LRIG1: variants seen among roughly 807,000 people sequenced by gnomAD.
The protein encoded by LRIG1 is leucine rich repeats and immunoglobulin like domains 1.
A neutral mutation model predicts 99.2 loss-of-function variants in LRIG1; 48 were observed. The observed-to-expected ratio is 0.48, with a 90% CI of 0.38 to 0.62. The LOEUF is 0.62. Ranked by LOEUF, LRIG1 falls within the 20% of genes least tolerant of loss-of-function variation. The probability of loss-of-function intolerance (pLI) is 0.00; values close to 1 mark genes in which losing one functional copy is unlikely to be tolerated. For synonymous variants in LRIG1, 772 were observed against 596.1 expected (o/e 1.29, Z -4.30); for missense variants, 1,646 against 1,434.4 (o/e 1.15, Z -2.38).
In LRIG1 at chr3:66,500,280, GCCGCGCAGGGCGC is replaced by G; in HGVS notation, c.115_127del (p.Ala39ProfsTer31). On this transcript the variant is annotated frameshift_variant, in exon 1 of 19. Coordinates refer to ENST00000273261, the MANE Select transcript of LRIG1 (RefSeq NM_015541.3). LOFTEE classifies it high-confidence loss of function. ...CGAGTCCCCAGCGCAAGTGCAGGCG[GCCGCGCAGGGCGC>G]CCGCGGGCCGGCCGCGGCGGTCACC... 1 of 1,480,544 alleles carries G rather than the reference GCCGCGCAGGGCGC, an allele frequency of 6.8e-7. No individual in the cohort carries two copies. The highest frequency in any genetic ancestry group is 2.4e-5 in the Admixed American group (1 of 42,000). The allele number at this position is 1,480,544 out of a possible 1,614,324, so 91.7% of individuals were successfully genotyped here.
rs878967387 is a variant in LRIG1, at chr3:66,462,497, G to C, written c.231C>G (p.Tyr77Ter). ...PSWTRSLNLS[Y>*]NKLSEIDPAG... ...CAGGGTCAATCTCAGAGAGTTTGTT[G>C]TAACTCAGGTTTCTGGTAAAGACAG... The change falls in exon 2 of 19, where the codon TAC becomes TAG. Residue 77 changes from tyrosine (Y) to a stop codon, truncating the protein, a stop_gained. Transcript: ENST00000273261. LOFTEE classifies it high-confidence loss of function. 6.2e-7 allele frequency: 1 copy of C among 1,611,334 alleles called. No individual in the cohort carries two copies. The highest frequency in any genetic ancestry group is 8.5e-7 in the Non-Finnish European group (1 of 1,178,466).
intron 4 of LRIG1, among the ~76,000 whole-genome samples, chr3:66,415,549 T>C (rs1390016264): frequency 6.6e-6 from 1 of 152,212 alleles, no homozygotes; most frequent in East Asian, 1.9e-4. Context: ...ACATAACACA[T>C]ATGTATAAAC....
At chr3:66,446,362 C>T (rs1703723956) in intron 3 of LRIG1, among the ~76,000 whole-genome samples, 2 of 150,418 alleles carry the variant, frequency 1.3e-5, no homozygotes, top group Non-Finnish European at 3.0e-5. Context: ...GAAATTACAA[C>T]AGAGGGCTGT....
Position 66,388,649 on chromosome 3 carries a change from A to T in LRIG1, c.1469-2348T>A, listed in dbSNP as rs141760363. 3.3e-3 allele frequency among the ~76,000 whole-genome samples: 509 copies of T among 152,254 alleles called. 2 individuals carry two copies. The highest frequency in any genetic ancestry group is 0.021 in the East Asian group (107 of 5,176). ...ATTCAAGGGATCTTCATTATTATTA[A>T]CGGCTGATTTCTTACCAGAACCCAC... On this transcript the variant is annotated intron_variant, in intron 12 of 18. Coordinates refer to ENST00000273261, the MANE Select transcript of LRIG1 (RefSeq NM_015541.3).
chr3:66,444,034 G>A (rs191531544), intron 3 of LRIG1, among the ~76,000 whole-genome samples: 1 of 152,356 alleles, frequency 6.6e-6, no homozygotes, highest in East Asian at 1.9e-4. Flanking sequence ...TGGCATTCAA[G>A]TCTTAGCTGA....
At chr3:66,457,634 C>T (rs144686211) in intron 2 of LRIG1, among the ~76,000 whole-genome samples, 11 of 152,292 alleles carry the variant, frequency 7.2e-5, no homozygotes, top group African/African-American at 1.7e-4. Context: ...CAATGTGTTA[C>T]GATGTCAATG....
chr3:66,454,497 C>A (rs1160432607), intron 2 of LRIG1, among the ~76,000 whole-genome samples: 1 of 152,166 alleles, frequency 6.6e-6, no homozygotes, highest in African/African-American at 2.4e-5. Context: ...TTCTCTCACC[C>A]CCTACCCGCC....
intron 3 of LRIG1, among the ~76,000 whole-genome samples, chr3:66,437,096 C>T (rs763770016): frequency 3.9e-5 from 6 of 152,224 alleles, no homozygotes; most frequent in Non-Finnish European, 4.4e-5. Context: ...CTGCACCTCC[C>T]TCATTTTCCT....
chr3:66,404,750 C>T (rs1390718022), intron 9 of LRIG1, among the ~76,000 whole-genome samples: 5 of 152,126 alleles, frequency 3.3e-5, no homozygotes, highest in African/African-American at 4.8e-5. Flanking sequence ...GCTGCTACTA[C>T]GACCCTTGGA....
rs767537467 is a variant in LRIG1, at chr3:66,380,359, G to A, written c.3186C>T (p.Leu1062=). Residue 1062 remains leucine (L), a synonymous_variant, in exon 19 of 19, where the codon CTC becomes CTT. Transcript: ENST00000273261. ...CGGGACTGGCGTCACATGCTTTGGGGAGGTGGCCATTGGAAACAAGCAAGT... is the reference window on the plus strand; with the variant it reads ...CGGGACTGGCGTCACATGCTTTGGGAAGGTGGCCATTGGAAACAAGCAAGT... ...AQYLLVSNGH[L]PKACDASPES... is the part of the protein sequence containing the mutation. 6.2e-7 allele frequency: 1 copy of A among 1,614,196 alleles called. No individual in the cohort carries two copies. The highest frequency in any genetic ancestry group is 1.7e-5 in the Admixed American group (1 of 60,030).
chr3:66,413,989 A>G (rs1181051676), intron 5 of LRIG1, among the ~76,000 whole-genome samples: 1 of 152,232 alleles, frequency 6.6e-6, no homozygotes, highest in Non-Finnish European at 1.5e-5. Flanking sequence ...AAATCAGGGA[A>G]AAAAAGTCCT....
chr3:66,412,006 C>T (rs560822097), intron 6 of LRIG1, among the ~76,000 whole-genome samples: 1 of 152,298 alleles, frequency 6.6e-6, no homozygotes, highest in Non-Finnish European at 1.5e-5. Context: ...TTTAACTATA[C>T]AGTCAAATTA....
intron 11 of LRIG1, among the ~76,000 whole-genome samples, chr3:66,395,483 G>A (rs1267213333): frequency 6.6e-6 from 1 of 152,200 alleles, no homozygotes; most frequent in African/African-American, 2.4e-5. Context: ...ACCCCTAGAT[G>A]AGTTGGGCAT....
At chr3:66,405,673 C>T (rs957932878) in intron 8 of LRIG1, 1 of 1,069,936 alleles carries the variant, frequency 9.3e-7, no homozygotes, top group South Asian at 2.4e-5. Context: ...AGTCCCTTTT[C>T]TGGACATGAC....
At chr3:66,480,417 A>G (rs150388899) in intron 1 of LRIG1, among the ~76,000 whole-genome samples, 60 of 152,166 alleles carry the variant, frequency 3.9e-4, no homozygotes, top group South Asian at 8.3e-4. Context: ...CCAGAATCCT[A>G]TCATTGAAAA....
At position 66,401,891 on chromosome 3, in the gene LRIG1, C is replaced by G. The variant is rs150131330; in HGVS notation, c.1161-2850G>C. On this transcript the variant is annotated intron_variant, in intron 9 of 18. Transcript: ENST00000273261. Reference sequence around the variant, plus strand: ...GCTCCAAAGGCCTGGTTAGCGCTTGCCAAATCAAGTGGCAGGTACTGGGGG... The same window carrying G: ...GCTCCAAAGGCCTGGTTAGCGCTTGGCAAATCAAGTGGCAGGTACTGGGGG... 3.4e-3 allele frequency among the ~76,000 whole-genome samples: 525 copies of G among 152,274 alleles called. 4 individuals carry two copies. The highest frequency in any genetic ancestry group is 0.024 in the Middle Eastern group (7 of 294).
intron 1 of LRIG1, among the ~76,000 whole-genome samples, chr3:66,490,514 G>A (rs1204258580): frequency 6.6e-6 from 1 of 152,080 alleles, no homozygotes; most frequent in African/African-American, 2.4e-5. Flanking sequence ...AAACTAAGAC[G>A]GAGGCATGAT....
chr3:66,405,896 G>GC, intron 8 of LRIG1: 1 of 1,038,238 alleles, frequency 9.6e-7, no homozygotes, highest in Non-Finnish European at 1.2e-6. Context: ...CTCAGCCCAG[G>GC]CCCCTCCAAC....
intron 1 of LRIG1, among the ~76,000 whole-genome samples, chr3:66,497,210 A>G (rs879593592): frequency 2.0e-5 from 3 of 152,146 alleles, no homozygotes; most frequent in African/African-American, 7.2e-5. Flanking sequence ...CCTAATCCCA[A>G]TCCCAATGGG....
Sources: gnomAD v4.1 joint callset for allele counts (sites outside exome capture counted in the v4.1 genomes callset) on GRCh38, gnomAD v4.1.1 for gene constraint, MANE v1.5 for transcripts, NCBI Gene and HGNC (gene_info 2026-07-23, HGNC 2026-07-21) for gene names.